The following FGF7 variants were observed in gnomAD, a reference collection of about 807,000 sequenced individuals.
The protein encoded by FGF7 is fibroblast growth factor 7.
FGF7 carries 6 observed loss-of-function variants against 20.5 expected under a neutral mutation model. The observed-to-expected ratio is 0.29, with a 90% confidence interval of 0.16 to 0.58. FGF7 has a LOEUF of 0.58. Among genes scored for constraint, FGF7 ranks in the 20% least tolerant of loss-of-function variants. FGF7 has a pLI of 0.90. For missense variants in FGF7, 144 were observed against 228.8 expected (o/e 0.63, Z 2.39); for synonymous variants, 64 against 74.7 (o/e 0.86, Z 0.74).
intron 2 of FGF7, among the ~76,000 whole-genome samples, chr15:49,450,393 AT>A (rs963365833): frequency 1.4e-4 from 21 of 151,702 alleles, no homozygotes; most frequent in African/African-American, 4.6e-4. Flanking sequence ...TGCTAAAGAT[AT>A]TTTTTTTCCC....
At chr15:49,433,240 C>T (rs547732715) in intron 2 of FGF7, among the ~76,000 whole-genome samples, 1 of 151,632 alleles carries the variant, frequency 6.6e-6, no homozygotes, top group Non-Finnish European at 1.5e-5. Flanking sequence ...TACCTGTGTA[C>T]AGCACATCTG....
intron 2 of FGF7, among the ~76,000 whole-genome samples, chr15:49,443,665 C>T (rs2151849090): frequency 6.6e-6 from 1 of 151,768 alleles, no homozygotes; most frequent in Admixed American, 6.6e-5. Flanking sequence ...GAGTGAAGTT[C>T]CAATATACAT....
chr15:49,481,270 A>G (rs1446664982), intron 2 of FGF7, among the ~76,000 whole-genome samples: 1 of 152,102 alleles, frequency 6.6e-6, no homozygotes, highest in African/African-American at 2.4e-5. Flanking sequence ...TTTTGCACCA[A>G]CCTAACTGAT....
In FGF7 at chr15:49,463,045, T is replaced by C. The variant is rs1291449359; in HGVS notation, c.287-20106T>C. 2.6e-5 allele frequency among the ~76,000 whole-genome samples: 4 copies of C among 152,294 alleles called. No individual in the cohort carries two copies. In the South Asian group the frequency reaches 6.2e-4, roughly 24 times the overall value. On this transcript the variant is annotated intron_variant, in intron 2 of 3. Coordinates refer to ENST00000267843, the MANE Select transcript of FGF7 (RefSeq NM_002009.4). Reference sequence around the variant, plus strand: ...ACTCAAAATAGATTCAGGATCTATATGAACCATTTATGGAAATATAACCTG... The same window carrying C: ...ACTCAAAATAGATTCAGGATCTATACGAACCATTTATGGAAATATAACCTG...
chr15:49,446,574 G>A (rs1308355107), intron 2 of FGF7, among the ~76,000 whole-genome samples: 2 of 151,268 alleles, frequency 1.3e-5, no homozygotes, highest in Non-Finnish European at 3.0e-5. Flanking sequence ...ATTGGTTGGA[G>A]GATTTCATAG....
Position 49,488,042 on chromosome 15 carries a change from T to C in FGF7, c.*3538T>C, listed in dbSNP as rs2056551199. 1 of 151,928 alleles carries C rather than the reference T, an allele frequency of 6.6e-6. No homozygotes were observed. The highest frequency in any genetic ancestry group is 1.5e-5 in the Non-Finnish European group (1 of 67,912). The allele number at this position is 151,928 out of a possible 1,614,324, so 9.4% of individuals were successfully genotyped here. ...ACGCATAGGAGTGATAACAAAAATA[T>C]TTAACAGTCAGTATGGGTGATTACT... On this transcript the variant is annotated 3_prime_UTR_variant, in exon 4 of 4. Coordinates refer to ENST00000267843, the MANE Select transcript of FGF7 (RefSeq NM_002009.4).
At chr15:49,452,170 T>C (rs2052815567) in intron 2 of FGF7, among the ~76,000 whole-genome samples, 1 of 152,054 alleles carries the variant, frequency 6.6e-6, no homozygotes, top group African/African-American at 2.4e-5. Flanking sequence ...GCTTCCTGAG[T>C]ATCTGGCACT....
chr15:49,474,884 C>G (rs1329151001), intron 2 of FGF7, among the ~76,000 whole-genome samples: 2 of 152,298 alleles, frequency 1.3e-5, no homozygotes, highest in East Asian at 3.9e-4. Context: ...TGAACCTCCC[C>G]CCGGCTCCCG....
intron 2 of FGF7, among the ~76,000 whole-genome samples, chr15:49,430,234 C>A (rs1460382786): frequency 6.6e-6 from 1 of 151,880 alleles, no homozygotes; most frequent in Non-Finnish European, 1.5e-5. Context: ...AGAATAGGTT[C>A]TGTACCACAG....
chr15:49,442,924 G>C (rs942058386), intron 2 of FGF7, among the ~76,000 whole-genome samples: 7 of 151,734 alleles, frequency 4.6e-5, no homozygotes, highest in Non-Finnish European at 8.8e-5. Context: ...ACTGGAAGTG[G>C]GAGAGTCAAA....
At chr15:49,455,166 G>A (rs1158366844) in intron 2 of FGF7, among the ~76,000 whole-genome samples, 3 of 152,192 alleles carry the variant, frequency 2.0e-5, no homozygotes, top group Non-Finnish European at 4.4e-5. Flanking sequence ...TGATTTGTAT[G>A]CATGCAATGT....
At chr15:49,478,335 T>G (rs1248954916) in intron 2 of FGF7, among the ~76,000 whole-genome samples, 2 of 148,472 alleles carry the variant, frequency 1.3e-5, no homozygotes, top group East Asian at 4.0e-4. Flanking sequence ...TTTAACTAGG[T>G]TTTTTTTTTC....
intron 2 of FGF7, among the ~76,000 whole-genome samples, chr15:49,443,767 C>A (rs748647740): frequency 2.6e-5 from 4 of 151,600 alleles, no homozygotes; most frequent in African/African-American, 7.3e-5. Flanking sequence ...TCTATTACAA[C>A]CATGGTTTGG....
chr15:49,428,142 G>A (rs191185539), intron 2 of FGF7, among the ~76,000 whole-genome samples: 1 of 151,982 alleles, frequency 6.6e-6, no homozygotes, highest in Admixed American at 6.6e-5. Flanking sequence ...CCACATTTCT[G>A]ACTCTTGAGG....
chr15:49,484,170 C>T, intron 3 of FGF7, 140 bp from the exon 4 acceptor site: 2 of 592,556 alleles, frequency 3.4e-6, no homozygotes, highest in African/African-American at 1.9e-5. Context: ...TAATAAACCA[C>T]ATTAGGCCTG....
At chr15:49,477,966 G>T (rs900719691) in intron 2 of FGF7, among the ~76,000 whole-genome samples, 6 of 152,082 alleles carry the variant, frequency 3.9e-5, no homozygotes, top group African/African-American at 7.2e-5. Flanking sequence ...ACATGTGCAG[G>T]TCTGTTACCT....
In FGF7 at chr15:49,451,034, GT is replaced by G. The variant is rs895408714; in HGVS notation, c.286+26460del. Among the ~76,000 whole-genome samples, 10 of 151,250 alleles carry G rather than the reference GT, an allele frequency of 6.6e-5. No individual in the cohort carries two copies. The East Asian group carries it at 7.8e-4, about 12-fold the overall frequency. ...TGGGGAAATATATGTCTAAAAACTG[GT>G]TTTTTTTTAAATGACAGTTTAATTC... On this transcript the variant is annotated intron_variant, in intron 2 of 3. Coordinates refer to ENST00000267843, the MANE Select transcript of FGF7 (RefSeq NM_002009.4).
intron 1 of FGF7, among the ~76,000 whole-genome samples, chr15:49,423,810 A>G (rs11631040): frequency 0.26 from 38,951 of 151,944 alleles, 5,346 homozygotes; most frequent in East Asian, 0.44. Flanking sequence ...TGAATGGTAC[A>G]GTCATATTCT....
At chr15:49,457,541 T>C (rs1390380918) in intron 2 of FGF7, among the ~76,000 whole-genome samples, 4 of 151,988 alleles carry the variant, frequency 2.6e-5, no homozygotes, top group Admixed American at 1.3e-4. Context: ...GTAACTACAT[T>C]ATCAAATTCC....
Sources: gnomAD v4.1 joint callset for allele counts (sites outside exome capture counted in the v4.1 genomes callset) on GRCh38, gnomAD v4.1.1 for gene constraint, MANE v1.5 for transcripts, NCBI Gene and HGNC (gene_info 2026-07-23, HGNC 2026-07-21) for gene names.